CNTLN: variants seen among roughly 807,000 people sequenced by gnomAD.
CNTLN encodes centlein, also known as centlein, centrosomal protein.
In CNTLN, 212 loss-of-function variants were observed where a neutral mutation model predicts 180.0. The ratio of observed to expected loss-of-function variants is 1.18; its 90% confidence interval spans 1.05 to 1.32. The LOEUF (loss-of-function observed/expected upper bound fraction) is 1.32, where lower values mean the gene tolerates loss of function less well. Among genes scored for constraint, CNTLN ranks in the 40% most tolerant of loss-of-function variants. CNTLN has a pLI of 0.00. For missense variants in CNTLN, 2,095 were observed against 1,610.9 expected, an observed-to-expected ratio of 1.30 and a Z score of -5.14; for synonymous variants, 722 against 563.1, an observed-to-expected ratio of 1.28 and a Z score of -3.99.
At chr9:17,304,808 C>T (rs1818596660) in intron 7 of CNTLN, among the ~76,000 whole-genome samples, 1 of 152,020 alleles carries the variant, frequency 6.6e-6, no homozygotes, top group Non-Finnish European at 1.5e-5. Context: ...CCATCTCATT[C>T]TTATAAGTAA....
rs1833866624 is a variant in CNTLN at position 17,503,803 on chromosome 9, A to C, written c.*1151A>C. On this transcript the variant is annotated 3_prime_UTR_variant, in exon 26 of 26. Transcript: ENST00000380647. ...GTTTTGTATGGCCCACAAGCTAAGA[A>C]TGGTTTTTGCCTTATTAAATGGTTT... The C allele has an allele frequency of 6.5e-6, 1 of 152,690 alleles. No individual in the cohort carries two copies. Among genetic ancestry groups the C allele is most frequent in the Non-Finnish European group, 1.5e-5 (1 of 68,054 alleles). The allele number at this position is 152,690 out of a possible 1,614,324, so 9.5% of individuals were successfully genotyped here.
chr9:17,394,692 A>T lies in CNTLN; in HGVS notation c.2238A>T (p.Ile746=). ...CCAGAGAAAAAGAGCTAGAACAGAT[A>T]ATAAAGGGGAGTAAAGATGTAGAAA... ...TETREKELEQ[I]IKGSKDVEKE... Residue 746 remains isoleucine, a synonymous_variant, in exon 15 of 26, where the codon ATA becomes ATT. Coordinates refer to ENST00000380647, the MANE Select transcript of CNTLN (RefSeq NM_017738.4). The T allele has an allele frequency of 6.2e-7, 1 of 1,613,980 alleles. No individual in the cohort carries two copies. The highest frequency in any genetic ancestry group is 8.5e-7 in the Non-Finnish European group (1 of 1,179,938).
chr9:17,335,929 AACAAAAAC>A (rs939689707), intron 10 of CNTLN, among the ~76,000 whole-genome samples: 2 of 151,650 alleles, frequency 1.3e-5, no homozygotes, highest in Non-Finnish European at 2.9e-5. Context: ...CTGTCTCAAA[AACAAAAAC>A]AAAAACAAAG....
chr9:17,263,779 T>G (rs2132401762), intron 5 of CNTLN, among the ~76,000 whole-genome samples: 1 of 145,726 alleles, frequency 6.9e-6, no homozygotes, highest in South Asian at 2.4e-4. Context: ...TGATTTGCAT[T>G]TCTCTGATGG....
At chr9:17,256,691 A>T (rs972105039) in intron 5 of CNTLN, among the ~76,000 whole-genome samples, 17 of 151,926 alleles carry the variant, frequency 1.1e-4, no homozygotes, top group African/African-American at 4.1e-4. Context: ...TATAGACAGA[A>T]AAGGGCAGAG....
intron 6 of CNTLN, among the ~76,000 whole-genome samples, chr9:17,275,531 AAT>A (rs1316597911): frequency 6.6e-6 from 1 of 152,120 alleles, no homozygotes; most frequent in Non-Finnish European, 1.5e-5. Context: ...ATCTTCTTAA[AAT>A]ATAACATCTG....
chr9:17,518,017 T>G, the CNTLN span, among the ~76,000 whole-genome samples: 1 of 147,764 alleles, frequency 6.8e-6, no homozygotes, highest in Non-Finnish European at 1.5e-5. Flanking sequence ...TCCATAAAGT[T>G]TTTTTTCTTT....
At chr9:17,413,516 G>C (rs1828007037) in intron 16 of CNTLN, among the ~76,000 whole-genome samples, 1 of 152,066 alleles carries the variant, frequency 6.6e-6, no homozygotes, top group Admixed American at 6.6e-5. Context: ...CCATGTGTCT[G>C]ACAAAAGTCT....
At chr9:17,278,151 G>C (rs1468069005) in intron 6 of CNTLN, among the ~76,000 whole-genome samples, 1 of 152,086 alleles carries the variant, frequency 6.6e-6, no homozygotes, top group Non-Finnish European at 1.5e-5. Context: ...GGAATCACCA[G>C]CTAGTGCCTC....
chr9:17,324,240 A>C lies in CNTLN; in HGVS notation c.1342-6392A>C, dbSNP rs72703852. Among the ~76,000 whole-genome samples the C allele has an allele frequency of 2.4e-3, 371 of 152,320 alleles. 1 individual carries two copies. The highest frequency in any genetic ancestry group is 3.9e-3 in the Non-Finnish European group (266 of 68,028). The stretch of plus-strand genomic sequence containing the variant: ...TCACATATTTAGAGATACACCACAA[A>C]AAAGTTTAATTCCATGAATTTTAGA... On this transcript the variant is annotated intron_variant, in intron 8 of 25. Coordinates refer to ENST00000380647, the MANE Select transcript of CNTLN (RefSeq NM_017738.4).
At chr9:17,390,230 A>G (rs1306132828) in intron 14 of CNTLN, among the ~76,000 whole-genome samples, 4 of 121,102 alleles carry the variant, frequency 3.3e-5, no homozygotes, top group Admixed American at 9.8e-5. Flanking sequence ...TTTTGAAAAG[A>G]GCCTCTTTTT....
rs548145224 is a variant in CNTLN at position 17,261,683 on chromosome 9, T to C, written c.850-12050T>C. Among the ~76,000 whole-genome samples the C allele has an allele frequency of 7.4e-3, 1,118 of 151,436 alleles. 75 individuals carry two copies. The highest frequency in any genetic ancestry group is 0.026 in the African/African-American group (1,080 of 40,896). On this transcript the variant is annotated intron_variant, in intron 5 of 25. Coordinates refer to ENST00000380647, the MANE Select transcript of CNTLN (RefSeq NM_017738.4). ...ATTTTTTTCTCTTGACTGATTGCTC[T>C]GGCTAGGACTTCTAGTACTATGTTG...
At chr9:17,486,922 T>G in intron 24 of CNTLN, 67 bp from the exon 25 acceptor site, 1 of 717,438 alleles carries the variant, frequency 1.4e-6, no homozygotes, top group Non-Finnish European at 2.4e-6. Flanking sequence ...ATTTATTCAG[T>G]ATCTAATAGT....
intron 5 of CNTLN, among the ~76,000 whole-genome samples, chr9:17,256,584 C>T (rs920500860): frequency 2.0e-5 from 3 of 149,574 alleles, no homozygotes; most frequent in African/African-American, 7.4e-5. Context: ...GTGTAAAGCT[C>T]TTAGTTGTCT....
intron 5 of CNTLN, among the ~76,000 whole-genome samples, chr9:17,265,372 T>A (rs1051283947): frequency 4.6e-5 from 7 of 152,230 alleles, no homozygotes; most frequent in African/African-American, 1.7e-4. Flanking sequence ...GTAACAGCCT[T>A]GCATTCTAGG....
chr9:17,211,924 C>G (rs200363889), intron 2 of CNTLN, among the ~76,000 whole-genome samples: 70 of 152,224 alleles, frequency 4.6e-4, no homozygotes, highest in African/African-American at 1.1e-3. Flanking sequence ...AGACTTTGCT[C>G]AAGTTGCTTA....
intron 3 of CNTLN, among the ~76,000 whole-genome samples, chr9:17,235,229 T>A (rs1045511654): frequency 2.0e-5 from 3 of 152,198 alleles, no homozygotes; most frequent in African/African-American, 7.2e-5. Context: ...CTTGCCATTT[T>A]AAAAATTTTA....
chr9:17,230,423 TTA>T (rs777087967), intron 3 of CNTLN, among the ~76,000 whole-genome samples: 3 of 151,868 alleles, frequency 2.0e-5, no homozygotes, highest in Admixed American at 6.6e-5. Context: ...GTCTGTAGTG[TTA>T]TGTTTGGGTT....
At chr9:17,191,071 C>T (rs1308682469) in intron 2 of CNTLN, among the ~76,000 whole-genome samples, 2 of 152,146 alleles carry the variant, frequency 1.3e-5, no homozygotes, top group Non-Finnish European at 2.9e-5. Context: ...TATGTCCTAA[C>T]AACTTAGTAG....
Sources: allele counts gnomAD v4.1 joint callset (sites outside exome capture counted in the v4.1 genomes callset), GRCh38; gene constraint gnomAD v4.1.1; transcripts MANE v1.5; gene names NCBI Gene and HGNC (gene_info 2026-07-23, HGNC 2026-07-21).